Variants in ZNF823 observed in about 807,000 individuals in gnomAD.
ZNF823 encodes zinc finger protein 823.
In ZNF823, 5 loss-of-function variants were observed where a neutral mutation model predicts 11.4. The observed-to-expected ratio is 0.44, with a 90% CI of 0.23 to 0.92. ZNF823 has a LOEUF of 0.92. Among genes scored for constraint, ZNF823 ranks in the 40% least tolerant of loss-of-function variants. The pLI is 0.24. For missense variants in ZNF823, 582 were observed against 738.5 expected (o/e 0.79, Z 2.46); for synonymous variants, 234 against 250.5 (o/e 0.93, Z 0.62).
In ZNF823 at chr19:11,723,155, C is replaced by T. The variant is rs1568466172; in HGVS notation, c.379G>A (p.Glu127Lys). ...GGCTTCTCTCCATATTCCTGATGCT[C>T]ACATGATTTGTGTCCAGTGTCAACT... is the stretch of plus-strand genomic sequence containing the variant. The part of the protein sequence containing the change: ...IRVDTGHKSC[E>K]HQEYGEKPYT... The change falls in exon 4 of 4, where the codon GAG becomes AAG. Residue 127 changes from glutamate to lysine, a missense_variant. By Grantham distance (56) the Glu-to-Lys change is moderately conservative (BLOSUM62 1). Coordinates refer to ENST00000341191, the MANE Select transcript of ZNF823 (RefSeq NM_001080493.4). The T allele has an allele frequency of 6.2e-7, 1 of 1,614,142 alleles. No individual in the cohort carries two copies. The highest frequency in any genetic ancestry group is 8.5e-7 in the Non-Finnish European group (1 of 1,180,036).
In ZNF823 at chr19:11,722,582, T is replaced by C. The variant is rs372705042; in HGVS notation, c.952A>G (p.Ser318Gly). The change falls in exon 4 of 4, where the codon AGC becomes GGC. Residue 318 changes from serine to glycine, a missense_variant. Around this residue, in one of 3 missense-constraint regions of ZNF823, gnomAD observed 429 missense variants for 553.7 expected, o/e 0.77. Transcript: ENST00000341191. The surrounding 1 kb of genome is among the most constrained non-coding windows in gnomAD (Gnocchi z 5.2). The stretch of plus-strand genomic sequence containing the variant: ...TGCCTTATCATGTGTCTTCGAAAGC[T>C]TGTGTGATGATAAAACGTTTTCCCA... ...QCGKTFYHHT[S>G]FRRHMIRHTG... 2.9e-5 allele frequency: 46 copies of C among 1,614,032 alleles called. No homozygotes were observed. The highest frequency in any genetic ancestry group is 2.8e-5 in the Non-Finnish European group (33 of 1,180,030).
At position 11,722,692 on chromosome 19, in the gene ZNF823, C is replaced by T; in HGVS notation, c.842G>A (p.Cys281Tyr). The T allele has an allele frequency of 6.2e-7, 1 of 1,614,188 alleles. No individual in the cohort carries two copies. The highest frequency in any genetic ancestry group is 8.5e-7 in the Non-Finnish European group (1 of 1,180,024). Reference sequence around the variant, plus strand: ...ATAGTAACAGCTGAAGGCTTTCCCACATTGTGTACATTTATAGGGTTTCTC... The same window carrying T: ...ATAGTAACAGCTGAAGGCTTTCCCATATTGTGTACATTTATAGGGTTTCTC... ...TGEKPYKCTQ[C>Y]GKAFSCYYYT... Residue 281 changes from cysteine to tyrosine, a missense_variant, in exon 4 of 4, where the codon TGT becomes TAT. Physicochemically the swap from Cys to Tyr is radical, Grantham distance 194 (BLOSUM62 -2). Transcript: ENST00000341191. This position sits in a 1 kb window ranked among gnomAD's most constrained non-coding sequence, Gnocchi z 5.2.
chr19:11,722,867 T>G lies in ZNF823; in HGVS notation c.667A>C (p.Lys223Gln). 1 of 1,614,188 alleles carries G rather than the reference T, an allele frequency of 6.2e-7. No homozygotes were observed. The highest frequency in any genetic ancestry group is 1.1e-5 in the South Asian group (1 of 91,086). The change falls in exon 4 of 4, where the codon AAG becomes CAG. Residue 223 changes from lysine (K) to glutamine (Q), a missense_variant. By Grantham distance (53) the Lys-to-Gln change is moderately conservative (BLOSUM62 1). Transcript: ENST00000341191. This position sits in a 1 kb window ranked among gnomAD's most constrained non-coding sequence, Gnocchi z 5.2. ...AAAGGAAAGGCTTTAGAACACTGCTTACATTCATACGGTTTCTCTCCAGTG... is the reference window on the plus strand; with the variant it reads ...AAAGGAAAGGCTTTAGAACACTGCTGACATTCATACGGTTTCTCTCCAGTG... ...THTGEKPYECKQCSKAFPFYS... is the reference protein window; with the variant it reads ...THTGEKPYECQQCSKAFPFYS...
Position 11,737,285 on chromosome 19 carries a change from C to T in ZNF823, c.3+1532G>A, listed in dbSNP as rs567958811. Among the ~76,000 whole-genome samples, 22 of 152,064 alleles carry T rather than the reference C, an allele frequency of 1.4e-4. No homozygotes were observed. In the East Asian group the frequency reaches 3.9e-3, roughly 27 times the overall value. On this transcript the variant is annotated intron_variant, in intron 1 of 3. Transcript: ENST00000341191. ...TTTTTTCTTTTTCTTTTTTCTGAGA[C>T]GGAGTTTCACTCTTGTTGCCCAGGC...
Position 11,722,031 on chromosome 19 carries a change from A to G in ZNF823, c.1503T>C (p.Cys501=). 1.9e-6 allele frequency: 3 copies of G among 1,613,966 alleles called. No individual in the cohort carries two copies. Among genetic ancestry groups the G allele is most frequent in the Non-Finnish European group, 8.5e-7 (1 of 1,179,994 alleles). The change falls in exon 4 of 4, where the codon TGT becomes TGC. Residue 501 remains cysteine, a synonymous_variant. Coordinates refer to ENST00000341191, the MANE Select transcript of ZNF823 (RefSeq NM_001080493.4). This position sits in a 1 kb window ranked among gnomAD's most constrained non-coding sequence, Gnocchi z 5.2. The part of the protein sequence containing the change: ...RTHTVEKPYE[C]KTCRKAFSHF... ...GACTGAAGGCTTTTCTACATGTTTT[A>G]CACTCATAAGGTTTTTCTACTGTGT...
chr19:11,723,409 T>A, intron 3 of ZNF823, 67 bp from the exon 4 acceptor site: 3 of 1,270,882 alleles, frequency 2.4e-6, no homozygotes, highest in Non-Finnish European at 3.2e-6. Flanking sequence ...ATTGAAGTAC[T>A]AGATTTATAT....
rs750974901 is a variant in ZNF823, at chr19:11,722,347, G to C, written c.1187C>G (p.Ala396Gly). Residue 396 changes from alanine (A) to glycine (G), a missense_variant, in exon 4 of 4, where the codon GCC (alanine) becomes GGC (glycine). This residue lies in a region of ZNF823 where 429 missense variants were observed against 553.7 expected (regional missense o/e 0.77). Transcript: ENST00000341191. This position sits in a 1 kb window ranked among gnomAD's most constrained non-coding sequence, Gnocchi z 5.2. Reference protein sequence around the residue: ...GPQKCKICGKAFGCPSLFQRH... With the variant: ...GPQKCKICGKGFGCPSLFQRH... ...TTGAAATAAACTGGGACAACCAAAG[G>C]CTTTCCCACATATCTTGCATTTCTG... 4.0e-5 allele frequency: 64 copies of C among 1,613,834 alleles called. No individual in the cohort carries two copies. The highest frequency in any genetic ancestry group is 5.2e-5 in the Non-Finnish European group (61 of 1,180,028).
rs1262064497 is a variant in ZNF823 at position 11,721,872 on chromosome 19, G to T, written c.1662C>A (p.Pro554=). ...RHERIHTGEK[P]YECLQCGKAF... is the part of the protein sequence containing the mutation. ...CTTTACCACATTGTAGACATTCATA[G>T]GGTTTCTCTCCAGTGTGAATTCTTT... Residue 554 remains proline, a synonymous_variant, in exon 4 of 4, where the codon CCC becomes CCA. Coordinates refer to ENST00000341191, the MANE Select transcript of ZNF823 (RefSeq NM_001080493.4). 1 of 1,613,648 alleles carries T rather than the reference G, an allele frequency of 6.2e-7. No individual in the cohort carries two copies. The highest frequency in any genetic ancestry group is 8.5e-7 in the Non-Finnish European group (1 of 1,179,962).
In ZNF823 at chr19:11,725,345, T is replaced by C. The variant is rs1974771803; in HGVS notation, c.4-18A>G. On this transcript the variant is annotated intron_variant, in intron 1 of 3. Coordinates refer to ENST00000341191, the MANE Select transcript of ZNF823 (RefSeq NM_001080493.4). Reference sequence around the variant, plus strand: ...ACTGAGTCCTGAAACATCCCACATGTGCAGAGGAGGAAGGTTGAGATGGAC... The same window carrying C: ...ACTGAGTCCTGAAACATCCCACATGCGCAGAGGAGGAAGGTTGAGATGGAC... The C allele has an allele frequency of 6.2e-7, 1 of 1,612,890 alleles. No individual in the cohort carries two copies. The highest frequency in any genetic ancestry group is 8.5e-7 in the Non-Finnish European group (1 of 1,179,388).
At chr19:11,724,460 C>G (rs983866612) in intron 2 of ZNF823, among the ~76,000 whole-genome samples, 14 of 152,154 alleles carry the variant, frequency 9.2e-5, no homozygotes, top group South Asian at 4.1e-4. Context: ...ACCAACCCCT[C>G]CCCTTCCTCA....
At chr19:11,727,896 T>C (rs915168749) in intron 1 of ZNF823, among the ~76,000 whole-genome samples, 13 of 151,852 alleles carry the variant, frequency 8.6e-5, no homozygotes, top group Non-Finnish European at 7.4e-5. Flanking sequence ...TTCTTTCTTT[T>C]TTTTTTTTGA....
At chr19:11,732,169 C>CTTTTTTTTTTTTTT (rs1170787951) in intron 1 of ZNF823, among the ~76,000 whole-genome samples, 2 of 135,578 alleles carry the variant, frequency 1.5e-5, no homozygotes, top group Admixed American at 7.5e-5. Context: ...AAAGGTTTCC[C>CTTTTTTTTTTTTTT]TTTTTTTTTT....
At position 11,721,443 on chromosome 19, in the gene ZNF823, G is replaced by T. The variant is rs900739147; in HGVS notation, c.*258C>A. 12 of 374,018 alleles carry T rather than the reference G, an allele frequency of 3.2e-5. No homozygotes were observed. The highest frequency in any genetic ancestry group is 2.3e-4 in the African/African-American group (11 of 48,690). 23.2% of individuals were successfully genotyped at this position (374,018 alleles called of 1,614,324 possible). On this transcript the variant is annotated 3_prime_UTR_variant, in exon 4 of 4. Coordinates refer to ENST00000341191, the MANE Select transcript of ZNF823 (RefSeq NM_001080493.4). The stretch of plus-strand genomic sequence containing the variant: ...TGCATGAGGTATTAAAAGTCATCTA[G>T]AGATGATTTACACAGTATACTGGAA...
intron 1 of ZNF823, 64 bp downstream of exon 1, chr19:11,738,753 T>TCGGTTCCGGC: frequency 6.5e-7 from 1 of 1,544,966 alleles, no homozygotes; most frequent in Non-Finnish European, 8.7e-7. Flanking sequence ...CCCCTCACGG[T>TCGGTTCCGGC]CGGTTCCGGC....
At chr19:11,725,468 ACACT>A in intron 1 of ZNF823, 141 bp from the exon 2 acceptor site, 1 of 1,226,882 alleles carries the variant, frequency 8.2e-7, no homozygotes, top group East Asian at 2.5e-5. Flanking sequence ...TATTTTGTCT[ACACT>A]CACTTTTTCC....
rs746679475 is a variant in ZNF823 at position 11,722,525 on chromosome 19, A to G, written c.1009T>C (p.Cys337Arg). The change falls in exon 4 of 4, where the codon TGT (cysteine) becomes CGT (arginine). Residue 337 changes from cysteine (C) to arginine (R), a missense_variant. Cys to Arg is a radical substitution (Grantham distance 180, BLOSUM62 -3). Transcript: ENST00000341191. The surrounding 1 kb of genome is among the most constrained non-coding windows in gnomAD (Gnocchi z 5.2). ...CTAGGACAATCAAAGCCTTTCCCAC[A>G]TATCTTACATTTATGTGGTCCGTCT... is the stretch of plus-strand genomic sequence containing the variant. ...TGDGPHKCKI[C>R]GKGFDCPSSV... The G allele has an allele frequency of 5.6e-6, 9 of 1,614,138 alleles. No individual in the cohort carries two copies. In the South Asian group the frequency reaches 8.8e-5, roughly 16 times the overall value.
At chr19:11,735,292 A>C (rs1303098843) in intron 1 of ZNF823, among the ~76,000 whole-genome samples, 3 of 151,720 alleles carry the variant, frequency 2.0e-5, no homozygotes. Context: ...AAAAAAAAAA[A>C]AAAAAAAAGA....
At chr19:11,725,044 G>A (rs959578053) in intron 2 of ZNF823, among the ~76,000 whole-genome samples, 157 bp downstream of exon 2, 6 of 152,194 alleles carry the variant, frequency 3.9e-5, no homozygotes, top group Non-Finnish European at 8.8e-5. Context: ...AAAGTTATTA[G>A]AGGATGTAAG....
At chr19:11,728,532 T>C (rs985765774) in intron 1 of ZNF823, among the ~76,000 whole-genome samples, 2 of 152,162 alleles carry the variant, frequency 1.3e-5, no homozygotes, top group Non-Finnish European at 2.9e-5. Context: ...AGGATGGAAT[T>C]TGGAACAGTA....
Sources: allele counts gnomAD v4.1 joint callset (sites outside exome capture counted in the v4.1 genomes callset), GRCh38; gene constraint gnomAD v4.1.1; regional missense constraint gnomAD v4.1.1; non-coding constraint Gnocchi (gnomAD v3.1); transcripts MANE v1.5; gene names NCBI Gene and HGNC (gene_info 2026-07-23, HGNC 2026-07-21).